SULF1: variants seen among roughly 807,000 people sequenced by gnomAD.
SULF1 encodes sulfatase 1, also known as extracellular sulfatase Sulf-1.
In SULF1, 46 loss-of-function variants were observed where a neutral mutation model predicts 110.5. That is an observed-to-expected ratio of 0.42 (90% confidence interval 0.33 to 0.53). The LOEUF is 0.53. Among genes scored for constraint, SULF1 ranks in the 20% least tolerant of loss-of-function variants. The pLI is 0.12. For missense variants in SULF1, 941 were observed against 1,094.2 expected (o/e 0.86, Z 1.98); for synonymous variants, 371 against 387.1 (o/e 0.96, Z 0.49).
chr8:69,586,586 T>C, intron 7 of SULF1, 78 bp downstream of exon 7: 1 of 1,438,876 alleles, frequency 6.9e-7, no homozygotes, highest in Middle Eastern at 1.9e-4. Flanking sequence ...TGAGTTAAAC[T>C]ATCCACAAGA....
chr8:69,552,423 C>T lies in SULF1; in HGVS notation c.-133-11116C>T, dbSNP rs373359925. Among the ~76,000 whole-genome samples the T allele has an allele frequency of 2.6e-5, 4 of 152,310 alleles. 1 individual carries two copies. The highest frequency in any genetic ancestry group is 6.5e-5 in the Admixed American group (1 of 15,304). On this transcript the variant is annotated intron_variant, in intron 3 of 22. Transcript: ENST00000402687. Reference sequence around the variant, plus strand: ...GACTCTAGCCTGGATCTTCATCTTTCTTGCCTGGCTTTATTCTCCAATAAA... The same window carrying T: ...GACTCTAGCCTGGATCTTCATCTTTTTTGCCTGGCTTTATTCTCCAATAAA...
chr8:69,497,658 C>A (rs549598774), intron 2 of SULF1, among the ~76,000 whole-genome samples: 1 of 152,276 alleles, frequency 6.6e-6, no homozygotes, highest in Admixed American at 6.5e-5. Context: ...CTAGTGTTTT[C>A]CACTAAGGAC....
At chr8:69,646,010 A>T (rs1811881753) in intron 22 of SULF1, among the ~76,000 whole-genome samples, 1 of 152,194 alleles carries the variant, frequency 6.6e-6, no homozygotes. Context: ...TTTCTAAGCT[A>T]AAATGTCAAA....
upstream of SULF1, among the ~76,000 whole-genome samples, chr8:69,491,447 T>C (rs563156958): frequency 6.6e-5 from 10 of 152,362 alleles, no homozygotes; most frequent in African/African-American, 2.2e-4. Context: ...CCTGGCATTC[T>C]GTAAAGGAAG....
rs370600729 is a variant in SULF1, at chr8:69,629,679, C to T, written c.2284C>T (p.Leu762=). ...CTGGCAGACAGCCCCGTTCTGGAACCGTAAGTTGCTTGTTCCAAATGCCAC... is the reference window on the plus strand; with the variant it reads ...CTGGCAGACAGCCCCGTTCTGGAACTGTAAGTTGCTTGTTCCAAATGCCAC... ...NHWQTAPFWN[L]GSFCACTSSN... Residue 762 remains leucine (L), a splice_region_variant and synonymous_variant, in exon 19 of 23, where the codon CTG becomes TTG. Transcript: ENST00000402687. 152 of 1,596,896 alleles carry T rather than the reference C, an allele frequency of 9.5e-5. 1 individual carries two copies. In the South Asian group the frequency reaches 1.4e-3, roughly 14 times the overall value.
At chr8:69,611,911 C>A (rs1325733209) in intron 13 of SULF1, among the ~76,000 whole-genome samples, 1 of 151,858 alleles carries the variant, frequency 6.6e-6, no homozygotes, top group Admixed American at 6.6e-5. Context: ...TAGATAAATT[C>A]TTTAGTTAGA....
chr8:69,492,311 A>G (rs1415859571), upstream of SULF1, among the ~76,000 whole-genome samples: 1 of 151,874 alleles, frequency 6.6e-6, no homozygotes, highest in African/African-American at 2.4e-5. Flanking sequence ...CCCACAGAGA[A>G]GAGAGGAGAG....
intron 22 of SULF1, among the ~76,000 whole-genome samples, chr8:69,652,411 T>C (rs1812411424): frequency 6.6e-6 from 1 of 152,238 alleles, no homozygotes; most frequent in Non-Finnish European, 1.5e-5. Flanking sequence ...GGAAGTTTTC[T>C]TGAGTTATCT....
chr8:69,589,566 G>A (rs897897579), intron 8 of SULF1, among the ~76,000 whole-genome samples: 6 of 152,170 alleles, frequency 3.9e-5, no homozygotes, highest in Non-Finnish European at 7.3e-5. Flanking sequence ...GGCGAATACC[G>A]TAGCAGCTTT....
At position 69,658,866 on chromosome 8, in the gene SULF1, A is replaced by G; in HGVS notation, c.*331A>G. The stretch of plus-strand genomic sequence containing the variant: ...ATTTGACCTTGCCAGCTGACCTTCA[A>G]ACCCTGCATTTGAACCGACCAACAT... On this transcript the variant is annotated 3_prime_UTR_variant, in exon 23 of 23. Transcript: ENST00000402687. 1 of 532,570 alleles carries G rather than the reference A, an allele frequency of 1.9e-6. No individual in the cohort carries two copies. The highest frequency in any genetic ancestry group is 3.6e-6 in the Non-Finnish European group (1 of 276,486). 33.0% of individuals were successfully genotyped at this position (532,570 alleles called of 1,614,324 possible).
At chr8:69,510,624 T>G (rs199936074) in intron 3 of SULF1, among the ~76,000 whole-genome samples, 23,844 of 149,316 alleles carry the variant, frequency 0.16, 1,980 homozygotes, top group East Asian at 0.22. Context: ...TTTTTTGTTT[T>G]TTTTTTTTTT....
chr8:69,605,922 T>C (rs1435382922), intron 13 of SULF1, among the ~76,000 whole-genome samples: 1 of 152,204 alleles, frequency 6.6e-6, no homozygotes, highest in African/African-American at 2.4e-5. Flanking sequence ...TCTGATTCAA[T>C]AACTCAGGCC....
chr8:69,552,867 G>A (rs1033661113), intron 3 of SULF1, among the ~76,000 whole-genome samples: 5 of 152,230 alleles, frequency 3.3e-5, no homozygotes, highest in African/African-American at 1.2e-4. Flanking sequence ...GCATGACTAA[G>A]CATCTAGAAG....
intron 1 of SULF1, among the ~76,000 whole-genome samples, chr8:69,468,561 A>T (rs912800975): frequency 1.3e-5 from 2 of 152,202 alleles, no homozygotes; most frequent in Non-Finnish European, 2.9e-5. Context: ...GTATTATCTG[A>T]TTCCCAATAT....
intron 5 of SULF1, 66 bp downstream of exon 5, chr8:69,564,213 A>G (rs1246428272): frequency 1.9e-6 from 3 of 1,572,668 alleles, no homozygotes; most frequent in African/African-American, 2.7e-5. Context: ...TCTCAGGATT[A>G]TCAGGAGACA....
chr8:69,653,580 C>G (rs1244197730), intron 22 of SULF1, among the ~76,000 whole-genome samples: 1 of 152,206 alleles, frequency 6.6e-6, no homozygotes, highest in African/African-American at 2.4e-5. Flanking sequence ...TCTCTGAACC[C>G]TGTTATCGTT....
At chr8:69,585,582 G>A (rs1806395125) in intron 6 of SULF1, among the ~76,000 whole-genome samples, 1 of 152,152 alleles carries the variant, frequency 6.6e-6, no homozygotes, top group African/African-American at 2.4e-5. Context: ...TTTCTTGGAA[G>A]TGACATGCCA....
chr8:69,648,925 T>C (rs1332337286), intron 22 of SULF1, among the ~76,000 whole-genome samples: 1 of 152,240 alleles, frequency 6.6e-6, no homozygotes, highest in Non-Finnish European at 1.5e-5. Flanking sequence ...GGGTATGTTC[T>C]TGAATTTGTC....
intron 5 of SULF1, among the ~76,000 whole-genome samples, chr8:69,570,055 G>A (rs1805114115): frequency 1.3e-5 from 2 of 152,120 alleles, no homozygotes; most frequent in Admixed American, 1.3e-4. Context: ...ATAACTGTTG[G>A]CATGTGAAAA....
Sources: allele counts gnomAD v4.1 joint callset (sites outside exome capture counted in the v4.1 genomes callset), GRCh38; gene constraint gnomAD v4.1.1; transcripts MANE v1.5; gene names NCBI Gene and HGNC (gene_info 2026-07-23, HGNC 2026-07-21).